NLRP12: variants seen among roughly 807,000 people sequenced by gnomAD.
NLRP12 encodes NLR family pyrin domain containing 12.
A neutral mutation model predicts 91.2 loss-of-function variants in NLRP12; 108 were observed. The ratio of observed to expected loss-of-function variants is 1.18; its 90% CI spans 1.01 to 1.39. NLRP12 has a LOEUF of 1.39. Among genes scored for constraint, NLRP12 ranks in the 40% most tolerant of loss-of-function variants. The pLI, the probability that NLRP12 is intolerant of heterozygous loss-of-function variation, is 0.00. For synonymous variants in NLRP12, 613 were observed against 566.7 expected, an observed-to-expected ratio of 1.08 and a Z score of -1.16; for missense variants, 1,530 against 1,352.7, an observed-to-expected ratio of 1.13 and a Z score of -2.06.
chr19:53,797,584 AATTTTTGT>A (rs2091789383), intron 8 of NLRP12, among the ~76,000 whole-genome samples: 1 of 150,626 alleles, frequency 6.6e-6, no homozygotes, highest in Non-Finnish European at 1.5e-5. Flanking sequence ...ACACTGGGTT[AATTTTTGT>A]ATTTTTGTAG....
chr19:53,805,198 T>C (rs2091937725), intron 5 of NLRP12, 82 bp downstream of exon 5: 5 of 1,419,258 alleles, frequency 3.5e-6, no homozygotes, highest in Non-Finnish European at 5.0e-6. Flanking sequence ...GGTGGAGATT[T>C]GGGGATTACC....
intron 9 of NLRP12, among the ~76,000 whole-genome samples, chr19:53,794,955 CCT>C (rs2091723089): frequency 1.3e-5 from 2 of 151,996 alleles, no homozygotes; most frequent in South Asian, 4.1e-4. Context: ...CCTGCCTTGG[CCT>C]TTTTTTTCTT....
Position 53,801,416 on chromosome 19 carries a change from A to C in NLRP12, c.2586-19T>G, listed in dbSNP as rs2091869194. 6.2e-7 allele frequency: 1 copy of C among 1,612,056 alleles called. No individual in the cohort carries two copies. The highest frequency in any genetic ancestry group is 1.1e-5 in the South Asian group (1 of 90,984). ...CTTCAGCCTGCACAAAGTCCAATTC[A>C]ACAAGCATTATGGAGGCTTTCCTTT... On this transcript the variant is annotated intron_variant, in intron 6 of 9. Coordinates refer to ENST00000324134, the MANE Select transcript of NLRP12 (RefSeq NM_144687.4).
intron 6 of NLRP12, among the ~76,000 whole-genome samples, chr19:53,802,806 C>T (rs1298060981): frequency 6.6e-6 from 1 of 152,140 alleles, no homozygotes; most frequent in Non-Finnish European, 1.5e-5. Context: ...CAGGGTCTCA[C>T]CCTGTCACCC....
At chr19:53,799,683 A>C (rs1021086467) in intron 7 of NLRP12, among the ~76,000 whole-genome samples, 1 of 151,840 alleles carries the variant, frequency 6.6e-6, no homozygotes, top group Non-Finnish European at 1.5e-5. Context: ...GGGTTTCACC[A>C]TGTTGGCCAG....
chr19:53,797,694 G>T (rs1324197311), intron 8 of NLRP12, among the ~76,000 whole-genome samples: 3 of 151,900 alleles, frequency 2.0e-5, no homozygotes, highest in Admixed American at 6.6e-5. Flanking sequence ...TGGGATTGCA[G>T]GCATTAAGCT....
At chr19:53,800,533 T>G (rs1290279180) in intron 7 of NLRP12, among the ~76,000 whole-genome samples, 1 of 151,530 alleles carries the variant, frequency 6.6e-6, no homozygotes, top group Non-Finnish European at 1.5e-5. Flanking sequence ...GCAGAAGGCA[T>G]GCCAGGGAAT....
intron 1 of NLRP12, among the ~76,000 whole-genome samples, chr19:53,819,485 A>G (rs200156327): frequency 0.36 from 2,598 of 7,296 alleles, 841 homozygotes; most frequent in African/African-American, 0.46. Context: ...GTGTGTGTGT[A>G]TATACATATG....
chr19:53,818,439 G>T (rs553395066), intron 1 of NLRP12, among the ~76,000 whole-genome samples: 5 of 152,120 alleles, frequency 3.3e-5, no homozygotes, highest in Non-Finnish European at 7.4e-5. Flanking sequence ...AGGCTGAGGT[G>T]GGTGGATCAT....
chr19:53,807,564 A>C lies in NLRP12; in HGVS notation c.2174T>G (p.Leu725Arg). ...GAGCAGCTTCACCCCCCGGCTGCCC[A>C]GGGCATTTCGGTACAGAGACAGCTC... is the stretch of plus-strand genomic sequence containing the variant. ...LIELSLYRNALGSRGVKLLCQ... is the reference protein window; with the variant it reads ...LIELSLYRNARGSRGVKLLCQ... Residue 725 changes from leucine to arginine, a missense_variant, in exon 4 of 10, where the codon CTG becomes CGG. Transcript: ENST00000324134. The C allele has an allele frequency of 1.9e-6, 3 of 1,614,124 alleles. No individual in the cohort carries two copies. The highest frequency in any genetic ancestry group is 2.5e-6 in the Non-Finnish European group (3 of 1,180,024).
chr19:53,798,301 C>A lies in NLRP12; in HGVS notation c.2869G>T (p.Gly957Cys), dbSNP rs149951954. 3 of 1,614,044 alleles carry A rather than the reference C, an allele frequency of 1.9e-6. No individual in the cohort carries two copies. Among genetic ancestry groups the A allele is most frequent in the Non-Finnish European group, 2.5e-6 (3 of 1,180,060 alleles). ...DLSFNDLGDW[G>C]LWLLAEGLQH... ...AGCCCCTCAGCCAGCAACCACAGGC[C>A]CCAGTCTCCCAGGTCGTTGAAACTC... The change falls in exon 8 of 10, where the codon GGC (glycine) becomes TGC (cysteine). Residue 957 changes from glycine (G) to cysteine (C), a missense_variant. Gly to Cys is a radical substitution (Grantham distance 159). Coordinates refer to ENST00000324134, the MANE Select transcript of NLRP12 (RefSeq NM_144687.4).
chr19:53,819,109 CG>C (rs1278048002), intron 1 of NLRP12, among the ~76,000 whole-genome samples: 1 of 151,910 alleles, frequency 6.6e-6, no homozygotes, highest in Non-Finnish European at 1.5e-5. Flanking sequence ...GAGATTTAGG[CG>C]GAAGAGGGAG....
At chr19:53,809,532 A>G in intron 3 of NLRP12, 55 bp downstream of exon 3, 1 of 1,399,040 alleles carries the variant, frequency 7.1e-7, no homozygotes, top group Non-Finnish European at 9.6e-7. Context: ...AAAAAAAAAA[A>G]AAAAAAAAAC....
intron 8 of NLRP12, among the ~76,000 whole-genome samples, chr19:53,796,483 G>A (rs1016976517): frequency 6.6e-6 from 1 of 151,734 alleles, no homozygotes; most frequent in Non-Finnish European, 1.5e-5. Context: ...TCTTGACCTC[G>A]TGATCCGCCC....
intron 2 of NLRP12, among the ~76,000 whole-genome samples, chr19:53,812,561 GTGC>G (rs1290986579): frequency 2.0e-5 from 3 of 152,042 alleles, no homozygotes; most frequent in African/African-American, 7.2e-5. Flanking sequence ...GAGGCCAGAG[GTGC>G]TGCTCAACAT....
At chr19:53,802,706 CAAAAA>C (rs531832866) in intron 6 of NLRP12, among the ~76,000 whole-genome samples, 31 of 129,346 alleles carry the variant, frequency 2.4e-4, no homozygotes, top group South Asian at 7.3e-4. Context: ...GACTCTGTCT[CAAAAA>C]AAAAAAAGAA....
At chr19:53,803,024 C>T (rs1050397345) in intron 6 of NLRP12, among the ~76,000 whole-genome samples, 1 of 152,146 alleles carries the variant, frequency 6.6e-6, no homozygotes, top group African/African-American at 2.4e-5. Context: ...GTTGTGATTA[C>T]AGCTGTGAGC....
chr19:53,804,401 G>T (rs112099685), intron 5 of NLRP12, among the ~76,000 whole-genome samples: 6,435 of 71,400 alleles, frequency 0.09, 425 homozygotes, highest in Non-Finnish European at 0.11. Flanking sequence ...GGGTTTTTTT[G>T]TTTTTTTTTT....
intron 6 of NLRP12, among the ~76,000 whole-genome samples, chr19:53,802,717 AAG>A (rs1375034097): frequency 6.6e-6 from 1 of 151,904 alleles, no homozygotes; most frequent in Non-Finnish European, 1.5e-5. Context: ...AAAAAAAAAA[AAG>A]AAAACTGGGG....
Sources: allele counts gnomAD v4.1 joint callset (sites outside exome capture counted in the v4.1 genomes callset), GRCh38; gene constraint gnomAD v4.1.1; transcripts MANE v1.5; gene names NCBI Gene and HGNC (gene_info 2026-07-23, HGNC 2026-07-21).